Variants in RPS6KA5 observed in about 807,000 individuals in gnomAD.
RPS6KA5 encodes ribosomal protein S6 kinase A5.
RPS6KA5 carries 27 observed loss-of-function variants against 85.5 expected under a neutral mutation model. The observed-to-expected ratio is 0.32, with a 90% CI of 0.23 to 0.44. The LOEUF is 0.44. Ranked by LOEUF, RPS6KA5 falls within the 20% of genes least tolerant of loss-of-function variation. The pLI is 1.00. For missense variants in RPS6KA5, 811 were observed against 980.9 expected, an observed-to-expected ratio of 0.83 and a Z score of 2.31; for synonymous variants, 334 against 348.2, an observed-to-expected ratio of 0.96 and a Z score of 0.46.
At chr14:90,978,704 A>G (rs2039667885) in intron 2 of RPS6KA5, among the ~76,000 whole-genome samples, 180 bp from the exon 3 acceptor site, 1 of 152,196 alleles carries the variant, frequency 6.6e-6, no homozygotes, top group Non-Finnish European at 1.5e-5. Flanking sequence ...ATATATTTCT[A>G]GGTCTAACCC....
intron 1 of RPS6KA5, among the ~76,000 whole-genome samples, chr14:91,039,447 C>T (rs969201332): frequency 2.0e-5 from 3 of 152,196 alleles, no homozygotes; most frequent in Non-Finnish European, 4.4e-5. Flanking sequence ...TGATCTGGAT[C>T]TTTTGAGGAA....
chr14:90,950,272 T>C (rs185556045), intron 3 of RPS6KA5, among the ~76,000 whole-genome samples: 33 of 152,376 alleles, frequency 2.2e-4, no homozygotes, highest in African/African-American at 7.2e-4. Flanking sequence ...TATGTTGATC[T>C]TACATACTGC....
intron 7 of RPS6KA5, among the ~76,000 whole-genome samples, chr14:90,916,789 C>T (rs2036140720): frequency 6.6e-6 from 1 of 152,100 alleles, no homozygotes; most frequent in Non-Finnish European, 1.5e-5. Context: ...CTTGAAAAGT[C>T]TATTTGCTTT....
chr14:90,939,439 G>A (rs1315836378), intron 5 of RPS6KA5, among the ~76,000 whole-genome samples: 2 of 152,178 alleles, frequency 1.3e-5, no homozygotes, highest in South Asian at 2.1e-4. Context: ...CACCCCACTC[G>A]TGGTACCAAT....
intron 2 of RPS6KA5, among the ~76,000 whole-genome samples, chr14:90,994,170 C>T (rs757802905): frequency 6.6e-6 from 1 of 152,142 alleles, no homozygotes; most frequent in African/African-American, 2.4e-5. Flanking sequence ...CCACCACACC[C>T]GGCCTATCCT....
chr14:90,991,081 G>A lies in RPS6KA5; in HGVS notation c.175+10007C>T, dbSNP rs547073486. On this transcript the variant is annotated intron_variant, in intron 2 of 16. Transcript: ENST00000614987. ...GGCAGAATATCAGGGTAAGCTGGGC[G>A]AAAAAAGACAGGGGAAACTGAAAGC... Among the ~76,000 whole-genome samples, 17 of 152,076 alleles carry A rather than the reference G, an allele frequency of 1.1e-4. No individual in the cohort carries two copies. The East Asian group carries it at 2.7e-3, about 24-fold the overall frequency.
chr14:91,060,556 G>A lies in RPS6KA5; in HGVS notation c.-122C>T, dbSNP rs2043629347. On this transcript the variant is annotated 5_prime_UTR_variant, in exon 1 of 17. Coordinates refer to ENST00000614987, the MANE Select transcript of RPS6KA5 (RefSeq NM_004755.4). ...TCGGGGTGCGGCGGCTCCAGAACTC[G>A]GACGCAAAGACGAGTCTCTTTCCCG... is the stretch of plus-strand genomic sequence containing the variant. 6.8e-6 allele frequency: 8 copies of A among 1,180,088 alleles called. No homozygotes were observed. The South Asian group carries it at 2.2e-4, about 32-fold the overall frequency. 73.1% of individuals were successfully genotyped at this position (1,180,088 alleles called of 1,614,324 possible). A position where few individuals can be genotyped will look rare whatever the true frequency, so the allele number is the denominator to read the frequency against.
intron 1 of RPS6KA5, among the ~76,000 whole-genome samples, chr14:91,039,566 G>T (rs571081103): frequency 2.0e-5 from 3 of 152,228 alleles, no homozygotes; most frequent in African/African-American, 4.8e-5. Context: ...GGACATCAAG[G>T]TCCTTATGTT....
intron 7 of RPS6KA5, among the ~76,000 whole-genome samples, chr14:90,911,978 C>T (rs74083895): frequency 0.04 from 6,085 of 152,138 alleles, 396 homozygotes; most frequent in African/African-American, 0.14. Flanking sequence ...CTCCCATGTG[C>T]CACTGGGGGT....
chr14:91,029,577 T>C (rs905271000), intron 1 of RPS6KA5, among the ~76,000 whole-genome samples: 2 of 152,242 alleles, frequency 1.3e-5, no homozygotes, highest in African/African-American at 4.8e-5. Context: ...CTATAATGTA[T>C]ACATTCTCAA....
At chr14:90,875,383 A>G (rs889158048) in intron 14 of RPS6KA5, 23 bp from the exon 15 acceptor site, 7 of 1,604,964 alleles carry the variant, frequency 4.4e-6, no homozygotes, top group Non-Finnish European at 5.1e-6. Flanking sequence ...AAGTAACAAA[A>G]CAGAATGACT....
chr14:90,991,599 G>C (rs1422550465), intron 2 of RPS6KA5, among the ~76,000 whole-genome samples: 2 of 151,274 alleles, frequency 1.3e-5, no homozygotes, highest in Non-Finnish European at 2.9e-5. Context: ...TTACTCGGGA[G>C]GCTGAGGCAG....
At chr14:90,878,394 CAGGAATT>C (rs912366774) in intron 14 of RPS6KA5, among the ~76,000 whole-genome samples, 4 of 152,158 alleles carry the variant, frequency 2.6e-5, no homozygotes, top group Non-Finnish European at 5.9e-5. Context: ...CCTCGGATGC[CAGGAATT>C]CCGCCCCTTT....
Position 90,872,058 on chromosome 14 carries a change from T to C in RPS6KA5, c.*16A>G, listed in dbSNP as rs201075477. On this transcript the variant is annotated 3_prime_UTR_variant, in exon 17 of 17. Coordinates refer to ENST00000614987, the MANE Select transcript of RPS6KA5 (RefSeq NM_004755.4). Reference sequence around the variant, plus strand: ...GAATAAAGGTGCAATGGATCACTGATACACTCCTACCATGCCTAAGCTACT... The same window carrying C: ...GAATAAAGGTGCAATGGATCACTGACACACTCCTACCATGCCTAAGCTACT... 1.1e-4 allele frequency: 180 copies of C among 1,605,288 alleles called. 1 individual carries two copies. Among genetic ancestry groups the C allele is most frequent in the East Asian group, 1.0e-3 (47 of 44,810 alleles).
chr14:91,000,986 T>C lies in RPS6KA5; in HGVS notation c.175+102A>G, dbSNP rs573018455. Reference sequence around the variant, plus strand: ...GACAGTTCTCCTAATGGATTCCTCATGCTTTTTAAATTTTAATTTCTGTAT... The same window carrying C: ...GACAGTTCTCCTAATGGATTCCTCACGCTTTTTAAATTTTAATTTCTGTAT... On this transcript the variant is annotated intron_variant, in intron 2 of 16. Transcript: ENST00000614987. The C allele has an allele frequency of 4.6e-6, 3 of 646,566 alleles. No homozygotes were observed. In the South Asian group the frequency reaches 6.9e-5, roughly 15 times the overall value. The allele number at this position is 646,566 out of a possible 1,614,324, so 40.1% of individuals were successfully genotyped here. A position where few individuals can be genotyped will look rare whatever the true frequency, so the allele number is the denominator to read the frequency against.
chr14:91,034,525 C>A (rs577555780), intron 1 of RPS6KA5, among the ~76,000 whole-genome samples: 2 of 151,938 alleles, frequency 1.3e-5, no homozygotes, highest in Non-Finnish European at 2.9e-5. Context: ...CTGTGTCTAG[C>A]TAAAGGATTG....
At chr14:90,966,194 G>A (rs116973029) in intron 3 of RPS6KA5, among the ~76,000 whole-genome samples, 2,146 of 152,284 alleles carry the variant, frequency 0.014, 16 homozygotes, top group Non-Finnish European at 0.021. Flanking sequence ...AGAATTGAGG[G>A]AAGTGGCTTA....
rs943465406 is a variant in RPS6KA5 at position 90,899,426 on chromosome 14, C to A, written c.1380-4G>T. 4 of 1,599,788 alleles carry A rather than the reference C, an allele frequency of 2.5e-6. No homozygotes were observed. Among genetic ancestry groups the A allele is most frequent in the African/African-American group, 1.3e-5 (1 of 74,554 alleles). On this transcript the variant is annotated splice_region_variant and splice_polypyrimidine_tract_variant and intron_variant, in intron 11 of 16. Transcript: ENST00000614987. ...CTTTTGAGTATTGGCTTCCATCCTG[C>A]AAGATGAGACACTTAGCATCCACAT...
intron 9 of RPS6KA5, among the ~76,000 whole-genome samples, chr14:90,901,829 A>C (rs2035186594): frequency 6.6e-6 from 1 of 152,192 alleles, no homozygotes; most frequent in African/African-American, 2.4e-5. Context: ...TTTTAACAGC[A>C]GTTAAGATTA....
Sources: allele counts gnomAD v4.1 joint callset (sites outside exome capture counted in the v4.1 genomes callset), GRCh38; gene constraint gnomAD v4.1.1; transcripts MANE v1.5; gene names NCBI Gene and HGNC (gene_info 2026-07-23, HGNC 2026-07-21).